Variants in POT1 observed in about 807,000 individuals in gnomAD.
POT1 encodes the protein protection of telomeres protein 1.
In POT1, 47 loss-of-function variants were observed where a neutral mutation model predicts 78.5. The ratio of observed to expected loss-of-function variants is 0.60; its 90% CI spans 0.47 to 0.76. POT1 has a LOEUF of 0.76. Ranked by LOEUF, POT1 falls within the 30% of genes least tolerant of loss-of-function variation. The pLI, the probability that POT1 is intolerant of heterozygous loss-of-function variation, is 0.00. For synonymous variants in POT1, 259 were observed against 260.7 expected (o/e 0.99, Z 0.06); for missense variants, 646 against 749.9 (o/e 0.86, Z 1.62).
In POT1 at chr7:124,877,079, A is replaced by C. The variant is rs533831734; in HGVS notation, c.125-6038T>G. Among the ~76,000 whole-genome samples the C allele has an allele frequency of 2.0e-5, 3 of 152,352 alleles. No individual in the cohort carries two copies. In the South Asian group the frequency reaches 6.2e-4, roughly 32 times the overall value. Reference sequence around the variant, plus strand: ...AGGATAAATGATCACACCAAGTCACATAATTGTGAAATTAGGGAACACCAA... The same window carrying C: ...AGGATAAATGATCACACCAAGTCACCTAATTGTGAAATTAGGGAACACCAA... On this transcript the variant is annotated intron_variant, in intron 6 of 18. Coordinates refer to ENST00000357628, the MANE Select transcript of POT1 (RefSeq NM_015450.3).
intron 3 of POT1, among the ~76,000 whole-genome samples, chr7:124,913,798 C>T (rs545335938): frequency 6.6e-6 from 1 of 151,980 alleles, no homozygotes; most frequent in Non-Finnish European, 1.5e-5. Flanking sequence ...ATTTCTTCTT[C>T]TTATTTAACT....
At chr7:124,856,299 T>C (rs576398985) in intron 9 of POT1, among the ~76,000 whole-genome samples, 3 of 152,152 alleles carry the variant, frequency 2.0e-5, no homozygotes, top group Non-Finnish European at 4.4e-5. Context: ...ACAGAGGTTG[T>C]CAGAAAACAA....
intron 7 of POT1, among the ~76,000 whole-genome samples, chr7:124,864,478 A>T (rs1795672879): frequency 6.6e-6 from 1 of 151,108 alleles, no homozygotes; most frequent in African/African-American, 2.4e-5. Flanking sequence ...TTTTTTTCAT[A>T]CTTCTTGCTT....
intron 6 of POT1, among the ~76,000 whole-genome samples, chr7:124,874,024 T>G (rs1364509108): frequency 6.6e-6 from 1 of 152,192 alleles, no homozygotes; most frequent in Non-Finnish European, 1.5e-5. Flanking sequence ...AGTGTTTCAA[T>G]GACTACCCAT....
At chr7:124,898,985 C>T (rs1796557627) in intron 3 of POT1, among the ~76,000 whole-genome samples, 1 of 152,044 alleles carries the variant, frequency 6.6e-6, no homozygotes, top group Admixed American at 6.6e-5. Context: ...TTTTGCATTG[C>T]TGCATATATA....
rs543490012 is a variant in POT1 at position 124,880,705 on chromosome 7, C to G, written c.125-9664G>C. On this transcript the variant is annotated intron_variant, in intron 6 of 18. Transcript: ENST00000357628. ...ACACTTTGAGAAACATTATTGTAGACCCACTATCGAGATCTTTACAAGGCC... is the reference window on the plus strand; with the variant it reads ...ACACTTTGAGAAACATTATTGTAGAGCCACTATCGAGATCTTTACAAGGCC... 2.0e-5 allele frequency among the ~76,000 whole-genome samples: 3 copies of G among 152,092 alleles called. No homozygotes were observed. In the East Asian group the frequency reaches 5.8e-4, roughly 29 times the overall value.
chr7:124,825,020 T>C (rs538906697), intron 18 of POT1, among the ~76,000 whole-genome samples: 1 of 152,216 alleles, frequency 6.6e-6, no homozygotes, highest in Admixed American at 6.5e-5. Flanking sequence ...ACTATCTCCC[T>C]TTCCTATATT....
At chr7:124,898,641 C>G (rs1468172282) in intron 3 of POT1, among the ~76,000 whole-genome samples, 1 of 151,862 alleles carries the variant, frequency 6.6e-6, no homozygotes, top group African/African-American at 2.4e-5. Context: ...TGCTAAATCA[C>G]TAAGAAAGTT....
chr7:124,895,552 T>A (rs577608825), intron 5 of POT1, among the ~76,000 whole-genome samples: 31 of 134,130 alleles, frequency 2.3e-4, no homozygotes, highest in African/African-American at 8.3e-4. Flanking sequence ...TTTATTTCTG[T>A]CCTTCCTTCA....
At chr7:124,824,117 AAAAT>A (rs1266165802) in intron 18 of POT1, 43 bp from the exon 19 acceptor site, 4 of 1,233,198 alleles carry the variant, frequency 3.2e-6, no homozygotes, top group Non-Finnish European at 4.6e-6. Context: ...CCATTAAAAC[AAAAT>A]AAATAACTCT....
intron 15 of POT1, among the ~76,000 whole-genome samples, chr7:124,832,746 G>C (rs762740031): frequency 3.3e-5 from 5 of 151,326 alleles, no homozygotes; most frequent in African/African-American, 4.9e-5. Context: ...CGCTTGAACC[G>C]GGGAGGCAGA....
chr7:124,848,361 T>C (rs1795221297), intron 11 of POT1, among the ~76,000 whole-genome samples: 1 of 152,098 alleles, frequency 6.6e-6, no homozygotes, highest in Admixed American at 6.6e-5. Flanking sequence ...AAAATATAAA[T>C]TAATGAATGA....
intron 3 of POT1, among the ~76,000 whole-genome samples, chr7:124,912,412 T>C (rs1796909111): frequency 6.6e-6 from 1 of 152,140 alleles, no homozygotes; most frequent in Non-Finnish European, 1.5e-5. Flanking sequence ...TTTAAATATC[T>C]GAAGGATCAC....
intron 7 of POT1, among the ~76,000 whole-genome samples, chr7:124,868,471 T>C (rs1048393351): frequency 3.9e-5 from 6 of 152,106 alleles, no homozygotes; most frequent in Non-Finnish European, 7.4e-5. Flanking sequence ...TCTATCATAG[T>C]AGCCTTTAAA....
At chr7:124,928,004 AAC>A (rs1430996880) in intron 2 of POT1, among the ~76,000 whole-genome samples, 1 of 152,194 alleles carries the variant, frequency 6.6e-6, no homozygotes, top group African/African-American at 2.4e-5. Flanking sequence ...ACCTTTCTGA[AAC>A]ACAGTGTCTT....
intron 2 of POT1, among the ~76,000 whole-genome samples, chr7:124,922,865 C>T (rs1797184821): frequency 6.6e-6 from 1 of 151,686 alleles, no homozygotes; most frequent in Non-Finnish European, 1.5e-5. Context: ...CCGTTATATG[C>T]TAACAGATAC....
intron 12 of POT1, among the ~76,000 whole-genome samples, chr7:124,843,570 C>G (rs1795084479): frequency 6.6e-6 from 1 of 152,002 alleles, no homozygotes; most frequent in South Asian, 2.1e-4. Context: ...GGAAAAAAAA[C>G]TCAGACAAAA....
At chr7:124,825,430 T>C in intron 17 of POT1, 73 bp from the exon 18 acceptor site, 1 of 873,564 alleles carries the variant, frequency 1.1e-6, no homozygotes. Flanking sequence ...TTAACACATA[T>C]TTCAATATTG....
chr7:124,897,050 T>C (rs981281883), intron 5 of POT1, 115 bp downstream of exon 5: 9 of 535,696 alleles, frequency 1.7e-5, no homozygotes, highest in Non-Finnish European at 2.9e-5. Context: ...AGTGTATTGA[T>C]AATATATCAA....
Sources: gnomAD v4.1 joint callset for allele counts (sites outside exome capture counted in the v4.1 genomes callset) on GRCh38, gnomAD v4.1.1 for gene constraint, MANE v1.5 for transcripts, NCBI Gene and HGNC (gene_info 2026-07-23, HGNC 2026-07-21) for gene names.